TLE2: variants seen among roughly 807,000 people sequenced by gnomAD.
The protein encoded by TLE2 is transducin-like enhancer protein 2.
A neutral mutation model predicts 97.2 loss-of-function variants in TLE2; 74 were observed. That is an observed-to-expected ratio of 0.76 (90% CI 0.63 to 0.92). TLE2 has a LOEUF of 0.92. Among genes scored for constraint, TLE2 ranks in the 40% least tolerant of loss-of-function variants. The pLI is 0.00. For synonymous variants in TLE2, 499 were observed against 432.1 expected (o/e 1.15, Z -1.92); for missense variants, 1,038 against 1,008.7 (o/e 1.03, Z -0.39).
At chr19:3,034,321 G>A (rs1599252743) in intron 1 of TLE2, among the ~76,000 whole-genome samples, 1 of 151,464 alleles carries the variant, frequency 6.6e-6, no homozygotes, top group Non-Finnish European at 1.5e-5. Context: ...TTCAATTGGA[G>A]CCTGGCCCTC....
chr19:3,007,743 C>T (rs2089507343), intron 14 of TLE2, among the ~76,000 whole-genome samples: 1 of 152,142 alleles, frequency 6.6e-6, no homozygotes, highest in South Asian at 2.1e-4. Flanking sequence ...GTCCTAGGAG[C>T]CCCGGCCACC....
At chr19:3,006,744 C>G in intron 14 of TLE2, 75 bp from the exon 15 acceptor site, 2 of 1,503,572 alleles carry the variant, frequency 1.3e-6, no homozygotes, top group Non-Finnish European at 1.8e-6. Flanking sequence ...GGCAGGGAGA[C>G]GCCTTTGTCC....
Position 3,019,507 on chromosome 19 carries a change from G to C in TLE2, c.370-44C>G. On this transcript the variant is annotated intron_variant, in intron 6 of 19. Transcript: ENST00000262953. This position sits in a 1 kb window ranked among gnomAD's most constrained non-coding sequence, Gnocchi z 5.1. ...GATGGGCCGGGGCGGGGGGCGGCAG[G>C]AGCCCAGCGGTCCCCAGCCCAAGAG... 6.7e-7 allele frequency: 1 copy of C among 1,482,918 alleles called. No homozygotes were observed. Among genetic ancestry groups the C allele is most frequent in the Non-Finnish European group, 8.9e-7 (1 of 1,119,858 alleles). 91.9% of individuals were successfully genotyped at this position (1,482,918 alleles called of 1,614,324 possible).
Position 3,019,852 on chromosome 19 carries a change from TC to T in TLE2, c.295-80del, listed in dbSNP as rs2089801505. ...GCGGTGCCCTTGGGGACCTGACCTC[TC>T]CCCGCCACCCTCTCATCTTTGCCCC... On this transcript the variant is annotated intron_variant, in intron 5 of 19. Transcript: ENST00000262953. This position sits in a 1 kb window ranked among gnomAD's most constrained non-coding sequence, Gnocchi z 5.1. The T allele has an allele frequency of 1.3e-6, 2 of 1,512,226 alleles. No homozygotes were observed. Among genetic ancestry groups the T allele is most frequent in the Admixed American group, 4.0e-5 (2 of 50,560 alleles). The allele number at this position is 1,512,226 out of a possible 1,614,324, so 93.7% of individuals were successfully genotyped here.
At chr19:3,040,342 G>A (rs866734661) in intron 1 of TLE2, among the ~76,000 whole-genome samples, 6 of 152,044 alleles carry the variant, frequency 3.9e-5, no homozygotes, top group Middle Eastern at 6.8e-3. Context: ...TCTTTTTAAC[G>A]TTTGTTTGTT....
At chr19:3,038,378 T>A (rs980226373) in intron 1 of TLE2, among the ~76,000 whole-genome samples, 18 of 152,142 alleles carry the variant, frequency 1.2e-4, no homozygotes, top group African/African-American at 1.9e-4. Context: ...TCAGCTAATT[T>A]AAAAAAAATT....
chr19:3,000,165 G>C (rs1164786790), intron 19 of TLE2, among the ~76,000 whole-genome samples: 1 of 151,382 alleles, frequency 6.6e-6, no homozygotes, highest in African/African-American at 2.4e-5. Flanking sequence ...TCCACCTCCT[G>C]GGTTCATGCC....
chr19:3,000,703 C>T lies in TLE2; in HGVS notation c.2068G>A (p.Gly690Arg), dbSNP rs772980855. The stretch of plus-strand genomic sequence containing the variant: ...CAGGCGTTGAGCAGGTTGTCCTTCC[C>T]GGTGCTCACAAACCACCGTCCTTGG... ...ASCGRWFVST[G>R]KDNLLNAWRT... Residue 690 changes from glycine (G) to arginine (R), a missense_variant, in exon 19 of 20, where the codon GGG becomes AGG. Gly to Arg is a moderately radical substitution (Grantham distance 125). Transcript: ENST00000262953. The T allele has an allele frequency of 5.7e-6, 9 of 1,592,182 alleles. No individual in the cohort carries two copies. Among genetic ancestry groups the T allele is most frequent in the African/African-American group, 4.0e-5 (3 of 74,528 alleles).
intron 10 of TLE2, 126 bp from the exon 11 acceptor site, chr19:3,013,944 T>C (rs2089649257): frequency 1.0e-6 from 1 of 973,932 alleles, no homozygotes; most frequent in African/African-American, 1.7e-5. Flanking sequence ...CATGGGAAGA[T>C]TATGAAATCT....
Position 3,013,830 on chromosome 19 carries a change from G to A in TLE2, c.724-12C>T, listed in dbSNP as rs1421948250. 21 of 1,521,970 alleles carry A rather than the reference G, an allele frequency of 1.4e-5. No homozygotes were observed. The highest frequency in any genetic ancestry group is 4.3e-5 in the African/African-American group (3 of 69,454). The allele number at this position is 1,521,970 out of a possible 1,614,324, so 94.3% of individuals were successfully genotyped here. On this transcript the variant is annotated splice_polypyrimidine_tract_variant and intron_variant, in intron 10 of 19. Transcript: ENST00000262953. ...TCTGAGGGTTGGTCCTGGGTTTGAGGAGGTGACGTTGAGCAGAGTTGAAAT... is the reference window on the plus strand; with the variant it reads ...TCTGAGGGTTGGTCCTGGGTTTGAGAAGGTGACGTTGAGCAGAGTTGAAAT...
chr19:3,013,918 G>A (rs1261511431), intron 10 of TLE2, 100 bp from the exon 11 acceptor site: 2 of 1,197,196 alleles, frequency 1.7e-6, no homozygotes, highest in African/African-American at 3.1e-5. Context: ...CTCTAGAATG[G>A]GTACCCATGA....
At position 3,014,570 on chromosome 19, in the gene TLE2, C is replaced by T; in HGVS notation, c.723G>A (p.Glu241=). 1 of 1,589,428 alleles carries T rather than the reference C, an allele frequency of 6.3e-7. No homozygotes were observed. The highest frequency in any genetic ancestry group is 1.1e-5 in the South Asian group (1 of 87,046). The change falls in exon 10 of 20, where the codon GAG becomes GAA. Residue 241 remains glutamate, a splice_region_variant and synonymous_variant. Coordinates refer to ENST00000262953, the MANE Select transcript of TLE2 (RefSeq NM_003260.5). ...GAAGAGGCTGGACCCCTGGACTCAC[C>T]TCGTCCACCACCAGATTGTAATCAC... is the stretch of plus-strand genomic sequence containing the variant. The part of the protein sequence containing the change: ...DKSDYNLVVD[E]DQPSEPPSPA...
rs2089337385 is a variant in TLE2, at chr19:3,000,685, T to G, written c.2086A>C (p.Asn696His). ...FVSTGKDNLL[N>H]AWRTPYGASI... ...GCCCCGTACGGCGTCCTCCAGGCGT[T>G]GAGCAGGTTGTCCTTCCCGGTGCTC... The change falls in exon 19 of 20, where the codon AAC becomes CAC. Residue 696 changes from asparagine to histidine, a missense_variant. Coordinates refer to ENST00000262953, the MANE Select transcript of TLE2 (RefSeq NM_003260.5). 1.9e-6 allele frequency: 3 copies of G among 1,594,602 alleles called. No homozygotes were observed. The highest frequency in any genetic ancestry group is 1.7e-6 in the Non-Finnish European group (2 of 1,170,948).
chr19:3,006,366 A>G (rs2089477718), intron 15 of TLE2, 54 bp downstream of exon 15: 7 of 1,578,854 alleles, frequency 4.4e-6, no homozygotes, highest in Non-Finnish European at 5.1e-6. Context: ...CCATTGGAAC[A>G]TAAGCCCCAC....
At chr19:3,032,309 A>C (rs1227302225), upstream of TLE2, among the ~76,000 whole-genome samples, 3 of 151,932 alleles carry the variant, frequency 2.0e-5, no homozygotes, top group African/African-American at 7.3e-5. This position sits in a 1 kb window ranked among gnomAD's most constrained non-coding sequence, Gnocchi z 4.1. Context: ...ATCTCGGCTC[A>C]CTGCTGCAAC....
Position 3,019,370 on chromosome 19 carries a change from C to A in TLE2, c.463G>T (p.Ala155Ser). The change falls in exon 7 of 20, where the codon GCT (alanine) becomes TCT (serine). Residue 155 changes from alanine (A) to serine (S), a missense_variant. Physicochemically the swap from Ala to Ser is moderately conservative, Grantham distance 99 (BLOSUM62 1). Coordinates refer to ENST00000262953, the MANE Select transcript of TLE2 (RefSeq NM_003260.5). The surrounding 1 kb of genome is among the most constrained non-coding windows in gnomAD (Gnocchi z 5.1). ...LVGGSATGLL[A>S]LSGALAAQAQ... The stretch of plus-strand genomic sequence containing the variant: ...TGGGCAGCCAGGGCTCCAGACAGAG[C>A]AAGCAGCCCCGTAGCACTGCCGCCC... The A allele has an allele frequency of 6.4e-7, 1 of 1,555,592 alleles. No homozygotes were observed. Among genetic ancestry groups the A allele is most frequent in the East Asian group, 2.4e-5 (1 of 42,044 alleles).
At chr19:3,013,342 C>T (rs1235819804) in intron 11 of TLE2, among the ~76,000 whole-genome samples, 1 of 152,038 alleles carries the variant, frequency 6.6e-6, no homozygotes, top group Non-Finnish European at 1.5e-5. Flanking sequence ...CTGAGTCCAG[C>T]CTAGCTGGCT....
intron 17 of TLE2, among the ~76,000 whole-genome samples, chr19:3,003,160 T>C (rs1599196016): frequency 6.6e-6 from 1 of 152,104 alleles, no homozygotes; most frequent in Non-Finnish European, 1.5e-5. Context: ...TTAATCAGAA[T>C]TACACAGAAC....
At chr19:3,041,014 T>TATATATATATATATGTATATA (rs55998855) in intron 1 of TLE2, among the ~76,000 whole-genome samples, 1 of 20,168 alleles carries the variant, frequency 5.0e-5, no homozygotes, top group African/African-American at 2.1e-4. Flanking sequence ...TATATATATA[T>TATATATATATATATGTATATA]TTTTTTTTTT....
Sources: allele counts gnomAD v4.1 joint callset (sites outside exome capture counted in the v4.1 genomes callset), GRCh38; gene constraint gnomAD v4.1.1; non-coding constraint Gnocchi (gnomAD v3.1); transcripts MANE v1.5; gene names NCBI Gene and HGNC (gene_info 2026-07-23, HGNC 2026-07-21).